NWD2: variants seen among roughly 807,000 people sequenced by gnomAD.
NWD2 encodes NACHT and WD repeat domain containing 2, also known as NACHT and WD repeat domain-containing protein 2.
A neutral mutation model predicts 132.7 loss-of-function variants in NWD2; 37 were observed. The observed-to-expected ratio is 0.28, with a 90% CI of 0.21 to 0.37. The LOEUF (loss-of-function observed/expected upper bound fraction) is 0.37. Ranked by LOEUF, NWD2 falls within the 10% of genes least tolerant of loss-of-function variation. The probability of loss-of-function intolerance (pLI) is 1.00; values close to 1 mark genes in which losing one functional copy is unlikely to be tolerated. For synonymous variants in NWD2, 705 were observed against 803.0 expected, an observed-to-expected ratio of 0.88 and a Z score of 2.06; for missense variants, 1,592 against 2,122.4, an observed-to-expected ratio of 0.75 and a Z score of 4.91.
intron 1 of NWD2, among the ~76,000 whole-genome samples, chr4:37,310,434 A>G (rs542572965): frequency 1.2e-4 from 19 of 152,334 alleles, no homozygotes; most frequent in Non-Finnish European, 2.1e-4. Context: ...ATTCAGGTGT[A>G]GAAATAACAC....
chr4:37,347,333 A>T (rs1485262002), intron 2 of NWD2, among the ~76,000 whole-genome samples: 3 of 152,158 alleles, frequency 2.0e-5, no homozygotes, highest in Non-Finnish European at 4.4e-5. Flanking sequence ...ATTTGTTTAT[A>T]GTATTGTCAA....
At chr4:37,263,232 A>T (rs1044720730) in intron 1 of NWD2, among the ~76,000 whole-genome samples, 3 of 152,182 alleles carry the variant, frequency 2.0e-5, no homozygotes, top group African/African-American at 7.2e-5. Flanking sequence ...CAAGGAAGAC[A>T]CAAAAGCTTC....
chr4:37,371,931 G>A (rs1720236130), intron 3 of NWD2, among the ~76,000 whole-genome samples: 1 of 152,136 alleles, frequency 6.6e-6, no homozygotes, highest in South Asian at 2.1e-4. Flanking sequence ...CTCCTAAAGT[G>A]TGAAAAAGGG....
intron 1 of NWD2, among the ~76,000 whole-genome samples, chr4:37,289,710 G>A (rs1032223171): frequency 6.6e-6 from 1 of 152,198 alleles, no homozygotes; most frequent in African/African-American, 2.4e-5. Flanking sequence ...GATGATTTTT[G>A]TCAGATGCCT....
chr4:37,285,762 G>A (rs912022986), intron 1 of NWD2, among the ~76,000 whole-genome samples: 5 of 152,064 alleles, frequency 3.3e-5, no homozygotes, highest in Non-Finnish European at 7.4e-5. Context: ...AACATTTTAT[G>A]CAAAAGTTTA....
intron 1 of NWD2, among the ~76,000 whole-genome samples, chr4:37,273,947 T>G (rs183157061): frequency 1.3e-5 from 2 of 151,730 alleles, no homozygotes; most frequent in African/African-American, 4.8e-5. Context: ...AGAGGGAAAT[T>G]TATAGCACTA....
At chr4:37,281,796 T>C (rs1718135345) in intron 1 of NWD2, among the ~76,000 whole-genome samples, 1 of 152,196 alleles carries the variant, frequency 6.6e-6, no homozygotes, top group Non-Finnish European at 1.5e-5. Flanking sequence ...TATTTTTATC[T>C]AACATTTCGA....
At chr4:37,337,750 AC>A (rs1367712799) in intron 2 of NWD2, among the ~76,000 whole-genome samples, 1 of 152,092 alleles carries the variant, frequency 6.6e-6, no homozygotes, top group Non-Finnish European at 1.5e-5. Flanking sequence ...CTTTGCATCA[AC>A]ATCTCCAGCT....
At chr4:37,381,886 G>A (rs1720461224) in intron 3 of NWD2, among the ~76,000 whole-genome samples, 1 of 152,166 alleles carries the variant, frequency 6.6e-6, no homozygotes, top group South Asian at 2.1e-4. Context: ...CATTTCAAAA[G>A]AATTGATGTT....
In NWD2 at chr4:37,446,090, A is replaced by G. The variant is rs372421687; in HGVS notation, c.4102A>G (p.Thr1368Ala). Residue 1368 changes from threonine to alanine, a missense_variant, in exon 7 of 7, where the codon ACC (threonine) becomes GCC (alanine). Transcript: ENST00000309447. The surrounding 1 kb of genome is among the most constrained non-coding windows in gnomAD (Gnocchi z 6.7). ...AGTTGAACACTGTGTGTTAACATCCACCGGAGATATAATGGTGACATCAGA... is the reference window on the plus strand; with the variant it reads ...AGTTGAACACTGTGTGTTAACATCCGCCGGAGATATAATGGTGACATCAGA... The part of the protein sequence containing the change: ...GIVEHCVLTS[T>A]GDIMVTSDDK... 2.8e-5 allele frequency: 43 copies of G among 1,551,612 alleles called. No individual in the cohort carries two copies. The highest frequency in any genetic ancestry group is 3.7e-5 in the Non-Finnish European group (43 of 1,146,922).
intron 3 of NWD2, among the ~76,000 whole-genome samples, chr4:37,391,273 G>A (rs1372014813): frequency 3.3e-5 from 5 of 152,168 alleles, no homozygotes; most frequent in Admixed American, 6.5e-5. Context: ...TACCTGCTGA[G>A]AAAGAAAACA....
chr4:37,254,605 C>T (rs1480987529), intron 1 of NWD2, among the ~76,000 whole-genome samples: 3 of 152,154 alleles, frequency 2.0e-5, no homozygotes, highest in Non-Finnish European at 1.5e-5. Context: ...GACACTCTTG[C>T]ATCACTTCTT....
chr4:37,403,599 A>G (rs902617982), intron 3 of NWD2, among the ~76,000 whole-genome samples: 1 of 151,422 alleles, frequency 6.6e-6, no homozygotes, highest in African/African-American at 2.4e-5. Context: ...TCTCACTTGC[A>G]TGAAGCATCA....
At chr4:37,361,658 C>T (rs112480767) in intron 3 of NWD2, among the ~76,000 whole-genome samples, 2,543 of 152,104 alleles carry the variant, frequency 0.017, 39 homozygotes, top group Non-Finnish European at 0.027. Flanking sequence ...AACAAGGCAT[C>T]GAAGGAATAT....
intron 1 of NWD2, among the ~76,000 whole-genome samples, chr4:37,325,215 G>A (rs1217423978): frequency 2.6e-5 from 4 of 151,988 alleles, no homozygotes; most frequent in Non-Finnish European, 5.9e-5. Flanking sequence ...CGAGCTTCAG[G>A]TTCTGTGTTT....
chr4:37,274,892 T>C (rs1717972404), intron 1 of NWD2, among the ~76,000 whole-genome samples: 1 of 40,608 alleles, frequency 2.5e-5, no homozygotes, highest in South Asian at 4.5e-4. Context: ...CCCTTCATGC[T>C]AAAAACTCAA....
At chr4:37,287,178 C>G (rs1410973096) in intron 1 of NWD2, among the ~76,000 whole-genome samples, 2 of 152,200 alleles carry the variant, frequency 1.3e-5, no homozygotes, top group Non-Finnish European at 2.9e-5. Context: ...GAAGATCCCA[C>G]TCAAACCCAT....
chr4:37,263,818 T>TA (rs1168598072), intron 1 of NWD2, among the ~76,000 whole-genome samples: 1 of 152,134 alleles, frequency 6.6e-6, no homozygotes, highest in African/African-American at 2.4e-5. Flanking sequence ...AGTTATTTTT[T>TA]AAAAAAAGAA....
chr4:37,265,754 T>C (rs1375123194), intron 1 of NWD2, among the ~76,000 whole-genome samples: 1 of 152,042 alleles, frequency 6.6e-6, no homozygotes, highest in Non-Finnish European at 1.5e-5. Context: ...TAAGGACCCT[T>C]GTGATTATAT....
Sources: allele counts gnomAD v4.1 joint callset (sites outside exome capture counted in the v4.1 genomes callset), GRCh38; gene constraint gnomAD v4.1.1; non-coding constraint Gnocchi (gnomAD v3.1); transcripts MANE v1.5; gene names NCBI Gene and HGNC (gene_info 2026-07-23, HGNC 2026-07-21).